Variants in EFHD1 observed in about 807,000 individuals in gnomAD.
EFHD1 encodes the protein EF-hand domain-containing protein D1.
A neutral mutation model predicts 17.2 loss-of-function variants in EFHD1; 10 were observed. The ratio of observed to expected loss-of-function variants is 0.58; its 90% CI spans 0.36 to 0.99. The LOEUF is 0.99. Ranked by LOEUF, EFHD1 falls within the 50% of genes least tolerant of loss-of-function variation. The pLI, the probability that EFHD1 is intolerant of heterozygous loss-of-function variation, is 0.01. For missense variants in EFHD1, 310 were observed against 327.5 expected, an observed-to-expected ratio of 0.95 and a Z score of 0.41; for synonymous variants, 153 against 142.0, an observed-to-expected ratio of 1.08 and a Z score of -0.55.
At chr2:232,680,729 A>G (rs980842566) in intron 3 of EFHD1, among the ~76,000 whole-genome samples, 1 of 151,960 alleles carries the variant, frequency 6.6e-6, no homozygotes, top group Non-Finnish European at 1.5e-5. Flanking sequence ...GGCTGGTCTC[A>G]AGCTCCTGGC....
chr2:232,626,300 C>A (rs1009916477), intron 1 of EFHD1, among the ~76,000 whole-genome samples: 4 of 151,996 alleles, frequency 2.6e-5, no homozygotes, highest in African/African-American at 9.7e-5. Context: ...AATCCCAGCA[C>A]TTTGGGAGGC....
upstream of EFHD1, among the ~76,000 whole-genome samples, chr2:232,631,098 G>A (rs1031786396): frequency 5.9e-5 from 9 of 151,902 alleles, no homozygotes; most frequent in African/African-American, 2.2e-4. Flanking sequence ...TTGGTGGTGG[G>A]TGCCTGTAAT....
chr2:232,648,673 A>G (rs1236850250), intron 1 of EFHD1, among the ~76,000 whole-genome samples: 3 of 151,718 alleles, frequency 2.0e-5, no homozygotes, highest in African/African-American at 7.3e-5. Flanking sequence ...GAACGTGCCC[A>G]GGGGCTGTGG....
chr2:232,675,263 A>G (rs557207767), intron 3 of EFHD1, among the ~76,000 whole-genome samples: 2 of 151,754 alleles, frequency 1.3e-5, no homozygotes, highest in Non-Finnish European at 2.9e-5. Flanking sequence ...AAGAAAAGAA[A>G]AGAAAAGAAA....
At chr2:232,623,857 C>A (rs1255059835) in intron 1 of EFHD1, among the ~76,000 whole-genome samples, 1 of 152,264 alleles carries the variant, frequency 6.6e-6, no homozygotes, top group African/African-American at 2.4e-5. Context: ...AGCATTGCCT[C>A]CTGGCCCCCC....
chr2:232,637,574 C>T (rs1438287733), intron 1 of EFHD1, among the ~76,000 whole-genome samples: 2 of 152,022 alleles, frequency 1.3e-5, no homozygotes, highest in African/African-American at 2.4e-5. Flanking sequence ...GAACCCCTGA[C>T]CTCAAATGAT....
upstream of EFHD1, chr2:232,633,541 G>T: frequency 7.8e-7 from 1 of 1,282,360 alleles, no homozygotes; most frequent in East Asian, 3.2e-5. Flanking sequence ...GCTCCGCCCC[G>T]ACCGCCCCGC....
chr2:232,645,841 G>A (rs1370917057), intron 1 of EFHD1, among the ~76,000 whole-genome samples: 1 of 152,200 alleles, frequency 6.6e-6, no homozygotes, highest in Non-Finnish European at 1.5e-5. Context: ...CACACACCTT[G>A]TAAGCGGTAG....
intron 1 of EFHD1, among the ~76,000 whole-genome samples, chr2:232,610,123 G>A (rs561188562): frequency 2.6e-5 from 4 of 152,364 alleles, no homozygotes; most frequent in East Asian, 1.9e-4. Context: ...TCCAAAGCCC[G>A]AGTTGGGGAA....
chr2:232,642,154 G>A (rs1450262118), intron 1 of EFHD1, among the ~76,000 whole-genome samples: 5 of 152,118 alleles, frequency 3.3e-5, no homozygotes, highest in Non-Finnish European at 1.5e-5. Flanking sequence ...GGAGGCCGAG[G>A]TGGGTGGATC....
At chr2:232,656,327 G>C (rs1170229674) in intron 1 of EFHD1, among the ~76,000 whole-genome samples, 1 of 152,046 alleles carries the variant, frequency 6.6e-6, no homozygotes, top group Non-Finnish European at 1.5e-5. Context: ...TAGGGTCCCA[G>C]TCCCCTGAAG....
At chr2:232,630,387 G>T (rs993477709), upstream of EFHD1, among the ~76,000 whole-genome samples, 4 of 152,226 alleles carry the variant, frequency 2.6e-5, no homozygotes, top group African/African-American at 9.7e-5. Context: ...TTCATTCTGA[G>T]GGGTGGCCAG....
chr2:232,679,578 G>T (rs148170206), intron 3 of EFHD1, among the ~76,000 whole-genome samples: 29 of 151,856 alleles, frequency 1.9e-4, no homozygotes, highest in African/African-American at 6.8e-4. Context: ...TAGCCTATAG[G>T]TGGCATGCAC....
At chr2:232,617,947 TAA>T (rs144804383) in intron 1 of EFHD1, among the ~76,000 whole-genome samples, 47 of 145,786 alleles carry the variant, frequency 3.2e-4, no homozygotes, top group East Asian at 4.1e-4. Flanking sequence ...AGACTCAGTC[TAA>T]AAAAAAAAAA....
chr2:232,663,936 G>T (rs1395091713), intron 2 of EFHD1, among the ~76,000 whole-genome samples: 1 of 151,494 alleles, frequency 6.6e-6, no homozygotes, highest in East Asian at 1.9e-4. Context: ...TGGACTATAG[G>T]CACATACCAC....
intron 1 of EFHD1, among the ~76,000 whole-genome samples, chr2:232,622,155 G>A (rs746447833): frequency 3.2e-4 from 49 of 152,114 alleles, no homozygotes; most frequent in Non-Finnish European, 2.6e-4. Context: ...TGCTGCCCAG[G>A]ACCCAGACTT....
chr2:232,648,667 G>A (rs936604875), intron 1 of EFHD1, among the ~76,000 whole-genome samples: 9 of 151,968 alleles, frequency 5.9e-5, no homozygotes, highest in Non-Finnish European at 7.4e-5. Context: ...TGCCTTGAAC[G>A]TGCCCAGGGG....
chr2:232,660,401 A>G (rs527875928), intron 1 of EFHD1, among the ~76,000 whole-genome samples: 5 of 151,530 alleles, frequency 3.3e-5, no homozygotes, highest in African/African-American at 7.2e-5. Flanking sequence ...TCACCGTGTT[A>G]GCCAGGATGG....
chr2:232,681,336 A>G (rs772948160), intron 3 of EFHD1, among the ~76,000 whole-genome samples: 2 of 152,216 alleles, frequency 1.3e-5, no homozygotes, highest in African/African-American at 4.8e-5. Context: ...AGAATGACCA[A>G]CCCCAGCAAA....
Sources: allele counts gnomAD v4.1 joint callset (sites outside exome capture counted in the v4.1 genomes callset), GRCh38; gene constraint gnomAD v4.1.1; transcripts MANE v1.5; gene names NCBI Gene and HGNC (gene_info 2026-07-23, HGNC 2026-07-21).